The following CDH13 variants were observed in gnomAD, a reference collection of about 807,000 sequenced individuals.
CDH13 encodes cadherin-13.
In CDH13, 24 loss-of-function variants were observed where a neutral mutation model predicts 63.8. That is an observed-to-expected ratio of 0.38 (90% CI 0.27 to 0.53). CDH13 has a LOEUF of 0.53. Among genes scored for constraint, CDH13 ranks in the 20% least tolerant of loss-of-function variants. The pLI is 0.85. For missense variants in CDH13, 1,049 were observed against 903.1 expected (o/e 1.16, Z -2.07); for synonymous variants, 503 against 355.3 (o/e 1.42, Z -4.67).
chr16:82,811,477 A>G (rs2037441844), intron 1 of CDH13, among the ~76,000 whole-genome samples: 1 of 152,170 alleles, frequency 6.6e-6, no homozygotes, highest in Non-Finnish European at 1.5e-5. Flanking sequence ...TTTTTCCTAT[A>G]ACTGGTGACA....
At chr16:83,411,485 C>T (rs775213336) in intron 6 of CDH13, among the ~76,000 whole-genome samples, 1 of 152,080 alleles carries the variant, frequency 6.6e-6, no homozygotes, top group Non-Finnish European at 1.5e-5. Context: ...CATATGTGCT[C>T]AATATGGGGG....
In CDH13 at chr16:83,047,430, A is replaced by G. The variant is rs902703674; in HGVS notation, c.366+15212A>G. Among the ~76,000 whole-genome samples the G allele has an allele frequency of 5.9e-5, 9 of 152,138 alleles. No homozygotes were observed. Among genetic ancestry groups the G allele is most frequent in the Non-Finnish European group, 1.2e-4 (8 of 68,026 alleles). On this transcript the variant is annotated intron_variant, in intron 3 of 13. Coordinates refer to ENST00000567109, the MANE Select transcript of CDH13 (RefSeq NM_001257.5). The surrounding 1 kb of genome is among the most constrained non-coding windows in gnomAD (Gnocchi z 4.9). ...CCCTTGTTAACAAAGCCTAGTCTGT[A>G]AGAGCGTGACCACCAGTCTTATTTA...
At chr16:82,870,587 A>C (rs887222809) in intron 2 of CDH13, among the ~76,000 whole-genome samples, 5 of 152,178 alleles carry the variant, frequency 3.3e-5, no homozygotes, top group African/African-American at 1.2e-4. Flanking sequence ...GTAATAGGGT[A>C]ACAAAAATTA....
intron 6 of CDH13, among the ~76,000 whole-genome samples, chr16:83,369,310 T>C (rs995210794): frequency 2.6e-5 from 4 of 151,038 alleles, no homozygotes; most frequent in African/African-American, 9.7e-5. Context: ...AAGTCACCTG[T>C]TTTTTTTTCC....
rs1211285609 is a variant in CDH13 at position 83,780,012 on chromosome 16, G to A, written c.1726G>A (p.Glu576Lys). The change falls in exon 12 of 14, where the codon GAG becomes AAG. Residue 576 changes from glutamate to lysine, a missense_variant. Coordinates refer to ENST00000567109, the MANE Select transcript of CDH13 (RefSeq NM_001257.5). ...CACTGGGACTTTGCTGATAACCCTG[G>A]AGGACGTGAATGACAATGCCCCGTT... ...TGTGTLLITL[E>K]DVNDNAPFIY... is the part of the protein sequence containing the mutation. 6.2e-7 allele frequency: 1 copy of A among 1,613,876 alleles called. No homozygotes were observed. The highest frequency in any genetic ancestry group is 1.6e-4 in the Middle Eastern group (1 of 6,062).
intron 10 of CDH13, among the ~76,000 whole-genome samples, chr16:83,733,663 C>T (rs1190502722): frequency 6.6e-6 from 1 of 152,128 alleles, no homozygotes; most frequent in East Asian, 1.9e-4. Context: ...GACCCAGGTG[C>T]CAGAGCAAAG....
chr16:83,623,707 T>A (rs533575016), intron 8 of CDH13, among the ~76,000 whole-genome samples: 1 of 152,164 alleles, frequency 6.6e-6, no homozygotes, highest in Non-Finnish European at 1.5e-5. Flanking sequence ...CACTGGCCTC[T>A]CACATCATGG....
chr16:83,501,539 C>T (rs2074283807), intron 7 of CDH13, among the ~76,000 whole-genome samples: 1 of 152,172 alleles, frequency 6.6e-6, no homozygotes, highest in East Asian at 1.9e-4. Context: ...CATTGGACAG[C>T]CACCATGTAA....
intron 3 of CDH13, among the ~76,000 whole-genome samples, chr16:83,083,637 G>T (rs556615075): frequency 3.0e-4 from 46 of 152,248 alleles, no homozygotes; most frequent in African/African-American, 1.1e-3. Flanking sequence ...ATTTGTATTG[G>T]AAAAGATGCC....
chr16:82,744,919 C>T (rs1030587104), intron 1 of CDH13, among the ~76,000 whole-genome samples: 7 of 152,182 alleles, frequency 4.6e-5, no homozygotes, highest in Non-Finnish European at 1.0e-4. Flanking sequence ...GGCCACCATA[C>T]AGGGCTGCCT....
At chr16:83,342,843 G>GTTTTTTTTTTTTTTTTTTTTTTTT (rs778316746) in intron 5 of CDH13, among the ~76,000 whole-genome samples, 21 of 65,314 alleles carry the variant, frequency 3.2e-4, no homozygotes, top group Admixed American at 4.6e-4. Flanking sequence ...TTTTGTTTCT[G>GTTTTTTTTTTTTTTTTTTTTTTTT]TTTTTTTTTT....
chr16:83,404,198 T>C (rs1597941381), intron 6 of CDH13, among the ~76,000 whole-genome samples: 1 of 152,244 alleles, frequency 6.6e-6, no homozygotes. Flanking sequence ...TTGGGGGAAC[T>C]GTTCACGTTT....
chr16:82,877,958 C>G (rs532267574), intron 2 of CDH13, among the ~76,000 whole-genome samples: 1 of 94,798 alleles, frequency 1.1e-5, no homozygotes, highest in Non-Finnish European at 2.1e-5. Flanking sequence ...CACACACACA[C>G]ACATATACAC....
intron 4 of CDH13, among the ~76,000 whole-genome samples, chr16:83,153,670 C>T (rs955632535): frequency 5.3e-5 from 8 of 152,114 alleles, no homozygotes; most frequent in South Asian, 2.1e-4. Flanking sequence ...TTTGCAAAGG[C>T]GGTTTCAATC....
chr16:82,850,232 G>A (rs1187214190), intron 1 of CDH13, among the ~76,000 whole-genome samples: 1 of 151,966 alleles, frequency 6.6e-6, no homozygotes, highest in Non-Finnish European at 1.5e-5. Context: ...TTCATGGGGG[G>A]TGGTTAAAAT....
intron 11 of CDH13, among the ~76,000 whole-genome samples, chr16:83,754,017 C>A (rs1267421347): frequency 6.6e-6 from 1 of 151,704 alleles, no homozygotes; most frequent in East Asian, 1.9e-4. Context: ...TGCAGAGAGC[C>A]TAGGATGGAG....
intron 3 of CDH13, among the ~76,000 whole-genome samples, chr16:83,084,455 A>C: frequency 6.6e-6 from 1 of 152,148 alleles, no homozygotes; most frequent in South Asian, 2.1e-4. Context: ...GTGGAGGAGA[A>C]CCCATCACCT....
chr16:83,736,145 C>G (rs9936617), intron 10 of CDH13, among the ~76,000 whole-genome samples: 48,245 of 151,990 alleles, frequency 0.32, 8,238 homozygotes, highest in Middle Eastern at 0.39. Flanking sequence ...CCTATAGGAT[C>G]AGACTTGATC....
chr16:83,423,465 T>G (rs1330441959), intron 6 of CDH13, among the ~76,000 whole-genome samples: 1 of 151,912 alleles, frequency 6.6e-6, no homozygotes, highest in African/African-American at 2.4e-5. Context: ...TTTAAACTGA[T>G]TTCACAGAGG....
Sources: allele counts gnomAD v4.1 joint callset (sites outside exome capture counted in the v4.1 genomes callset), GRCh38; gene constraint gnomAD v4.1.1; non-coding constraint Gnocchi (gnomAD v3.1); transcripts MANE v1.5; gene names NCBI Gene and HGNC (gene_info 2026-07-23, HGNC 2026-07-21).